Variants in MARK4 observed in about 807,000 individuals in gnomAD.
MARK4 encodes the protein microtubule affinity regulating kinase 4.
In MARK4, 19 loss-of-function variants were observed where a neutral mutation model predicts 81.5. The ratio of observed to expected loss-of-function variants is 0.23; its 90% CI spans 0.16 to 0.34. The LOEUF (loss-of-function observed/expected upper bound fraction) is 0.34, where lower values mean the gene tolerates loss of function less well. Ranked by LOEUF, MARK4 falls within the 10% of genes least tolerant of loss-of-function variation. The pLI, the probability that MARK4 is intolerant of heterozygous loss-of-function variation, is 1.00. For synonymous variants in MARK4, 436 were observed against 439.0 expected, an observed-to-expected ratio of 0.99 and a Z score of 0.08; for missense variants, 772 against 1,058.8, an observed-to-expected ratio of 0.73 and a Z score of 3.76.
chr19:45,297,642 T>A, intron 14 of MARK4, 34 bp from the exon 15 acceptor site: 1 of 1,436,528 alleles, frequency 7.0e-7, no homozygotes. Flanking sequence ...CCTGCCTCAG[T>A]CCCCCACCCT....
chr19:45,294,486 G>T, intron 14 of MARK4, 34 bp downstream of exon 14: 1 of 1,578,978 alleles, frequency 6.3e-7, no homozygotes, highest in African/African-American at 1.4e-5. Flanking sequence ...TGAGGGGTGG[G>T]AAGTAGGGGG....
At chr19:45,274,834 C>T (rs1046710123) in intron 8 of MARK4, among the ~76,000 whole-genome samples, 2 of 152,186 alleles carry the variant, frequency 1.3e-5, no homozygotes, top group African/African-American at 4.8e-5. Flanking sequence ...CCACCAGGCA[C>T]CCCAGGCCTT....
Position 45,274,676 on chromosome 19 carries a change from C to A in MARK4, c.786+2968C>A, listed in dbSNP as rs117805114. The stretch of plus-strand genomic sequence containing the variant: ...ACAAACAAAACAGGCTCTGACACTC[C>A]GGCCATAGCTGAAGTCTGGGGTGGG... On this transcript the variant is annotated intron_variant, in intron 8 of 16. Coordinates refer to ENST00000262891, the MANE Select transcript of MARK4 (RefSeq NM_001199867.2). 9.2e-3 allele frequency among the ~76,000 whole-genome samples: 1,394 copies of A among 152,126 alleles called. 59 individuals carry two copies. The highest frequency in any genetic ancestry group is 0.075 in the Admixed American group (1,148 of 15,264).
rs1406887388 is a variant in MARK4 at position 45,302,253 on chromosome 19, G to T, written c.1923-121G>T. 4 of 1,555,620 alleles carry T rather than the reference G, an allele frequency of 2.6e-6. No individual in the cohort carries two copies. The highest frequency in any genetic ancestry group is 3.5e-6 in the Non-Finnish European group (4 of 1,150,822). On this transcript the variant is annotated intron_variant, in intron 16 of 16. Coordinates refer to ENST00000262891, the MANE Select transcript of MARK4 (RefSeq NM_001199867.2). The surrounding 1 kb of genome is among the most constrained non-coding windows in gnomAD (Gnocchi z 4.9). Reference sequence around the variant, plus strand: ...TGAAACTGTCGCTGGGGTAACAGGGGAAGATGTTTTTTGAGGGGATGGCTA... The same window carrying T: ...TGAAACTGTCGCTGGGGTAACAGGGTAAGATGTTTTTTGAGGGGATGGCTA...
intron 1 of MARK4, among the ~76,000 whole-genome samples, chr19:45,257,383 CTTTTTTTTTTTTT>C: frequency 1.6e-5 from 2 of 124,360 alleles, no homozygotes; most frequent in South Asian, 5.1e-4. Flanking sequence ...TTTTCTTTCT[CTTTTTTTTTTTTT>C]TTTTTGAGAT....
chr19:45,260,062 G>A (rs566352563), intron 2 of MARK4, among the ~76,000 whole-genome samples: 1 of 152,060 alleles, frequency 6.6e-6, no homozygotes, highest in South Asian at 2.1e-4. Context: ...ACTCCAGCCT[G>A]GGTGACAGAG....
At position 45,264,448 on chromosome 19, in the gene MARK4, C is replaced by G. The variant is rs545032792; in HGVS notation, c.356-236C>G. On this transcript the variant is annotated intron_variant, in intron 4 of 16. Transcript: ENST00000262891. ...CCTGGGAGGGTGAGCAGAGATCGCGCCATTGCACTCCAGCCTGGGCAACAA... is the reference window on the plus strand; with the variant it reads ...CCTGGGAGGGTGAGCAGAGATCGCGGCATTGCACTCCAGCCTGGGCAACAA... Among the ~76,000 whole-genome samples, 6 of 151,270 alleles carry G rather than the reference C, an allele frequency of 4.0e-5. No individual in the cohort carries two copies. The South Asian group carries it at 1.3e-3, about 32-fold the overall frequency.
intron 13 of MARK4, among the ~76,000 whole-genome samples, chr19:45,288,849 CAAAAAAAA>C (rs34269496): frequency 9.7e-6 from 1 of 103,016 alleles, no homozygotes; most frequent in Non-Finnish European, 1.9e-5. Flanking sequence ...GACTCTGTCT[CAAAAAAAA>C]AAAAAAAAAA....
Position 45,280,655 on chromosome 19 carries a change from C to T in MARK4, c.1197C>T (p.Ser399=), listed in dbSNP as rs767484126. Residue 399 remains serine, a synonymous_variant, in exon 12 of 17, where the codon TCC becomes TCT. Transcript: ENST00000262891. Reference sequence around the variant, plus strand: ...GCGACACCACCAACGGAACAAGTTCCAGCAAAGGCACCAGCCACAGCAAAG... The same window carrying T: ...GCGACACCACCAACGGAACAAGTTCTAGCAAAGGCACCAGCCACAGCAAAG... ...APSDTTNGTS[S]SKGTSHSKGQ... is the part of the protein sequence containing the mutation. The T allele has an allele frequency of 1.9e-6, 3 of 1,614,156 alleles. No individual in the cohort carries two copies. The highest frequency in any genetic ancestry group is 2.5e-6 in the Non-Finnish European group (3 of 1,180,012).
In MARK4 at chr19:45,297,832, G is replaced by A. The variant is rs750746729; in HGVS notation, c.1755G>A (p.Gly585=). ...GGCGGGCAGGGGGTGGGGGTGGTGG[G>A]GGTGTGCAGAATGGGCCCCCTGCCT... ...RDRRAGGGGG[G]GVQNGPPASP... is the part of the protein sequence containing the mutation. The change falls in exon 15 of 17, where the codon GGG becomes GGA. Residue 585 remains glycine, a synonymous_variant. Coordinates refer to ENST00000262891, the MANE Select transcript of MARK4 (RefSeq NM_001199867.2). The A allele has an allele frequency of 6.5e-7, 1 of 1,545,494 alleles. No homozygotes were observed. Among genetic ancestry groups the A allele is most frequent in the African/African-American group, 1.4e-5 (1 of 73,218 alleles).
Position 45,294,400 on chromosome 19 carries a change from G to C in MARK4, c.1546G>C (p.Glu516Gln), listed in dbSNP as rs1970858637. Residue 516 changes from glutamate (E) to glutamine (Q), a missense_variant, in exon 14 of 17, where the codon GAA (glutamate) becomes CAA (glutamine). By Grantham distance (29) the Glu-to-Gln change is conservative. Coordinates refer to ENST00000262891, the MANE Select transcript of MARK4 (RefSeq NM_001199867.2). ...CCGCAGAAACACCTACGTTTGCACA[G>C]AACGCCCGGGGGCTGAGCGCCCGTC... ...MTRRNTYVCT[E>Q]RPGAERPSLL... The C allele has an allele frequency of 6.2e-7, 1 of 1,614,004 alleles. No individual in the cohort carries two copies. Among genetic ancestry groups the C allele is most frequent in the Non-Finnish European group, 8.5e-7 (1 of 1,180,026 alleles).
At chr19:45,296,051 A>G (rs552827198) in intron 14 of MARK4, among the ~76,000 whole-genome samples, 1 of 152,180 alleles carries the variant, frequency 6.6e-6, no homozygotes, top group Admixed American at 6.6e-5. Flanking sequence ...AGCTGAGGAC[A>G]TAAGGCACAG....
chr19:45,288,869 T>G (rs1281999576), intron 13 of MARK4, among the ~76,000 whole-genome samples: 2 of 92,578 alleles, frequency 2.2e-5, no homozygotes, highest in African/African-American at 4.6e-5. Context: ...AAAAAAAAAG[T>G]CGTGGGAAGC....
intron 1 of MARK4, among the ~76,000 whole-genome samples, chr19:45,252,432 G>A (rs981440861): frequency 7.2e-5 from 11 of 151,886 alleles, no homozygotes; most frequent in African/African-American, 2.7e-4. Context: ...GGACCAGTCT[G>A]ACTCCAGGCC....
At chr19:45,263,584 A>G (rs1359410385) in intron 4 of MARK4, among the ~76,000 whole-genome samples, 3 of 152,026 alleles carry the variant, frequency 2.0e-5, no homozygotes, top group Non-Finnish European at 2.9e-5. Flanking sequence ...TCTACTGAAA[A>G]TACAAAAATT....
intron 8 of MARK4, among the ~76,000 whole-genome samples, chr19:45,275,382 T>C (rs1321973627): frequency 6.6e-6 from 1 of 152,040 alleles, no homozygotes; most frequent in African/African-American, 2.4e-5. Flanking sequence ...CTACTTGGGA[T>C]GCTGAGGTGG....
At chr19:45,291,014 A>T (rs1970813538) in intron 13 of MARK4, among the ~76,000 whole-genome samples, 1 of 152,166 alleles carries the variant, frequency 6.6e-6, no homozygotes, top group Non-Finnish European at 1.5e-5. Context: ...GTGGCACAGG[A>T]GGGAGGCCGG....
At chr19:45,263,760 AAAAGTT>A (rs1191555211) in intron 4 of MARK4, among the ~76,000 whole-genome samples, 1 of 151,930 alleles carries the variant, frequency 6.6e-6, no homozygotes, top group African/African-American at 2.4e-5. Flanking sequence ...AAAAAAAAGA[AAAAGTT>A]AGAGACCTGG....
chr19:45,290,648 C>T (rs774826076), intron 13 of MARK4, among the ~76,000 whole-genome samples: 4 of 152,192 alleles, frequency 2.6e-5, no homozygotes, highest in Non-Finnish European at 4.4e-5. Context: ...TTTAACTGTC[C>T]CTGACTGTTG....
Sources: gnomAD v4.1 joint callset for allele counts (sites outside exome capture counted in the v4.1 genomes callset) on GRCh38, gnomAD v4.1.1 for gene constraint, Gnocchi (gnomAD v3.1) non-coding constraint, MANE v1.5 for transcripts, NCBI Gene and HGNC (gene_info 2026-07-23, HGNC 2026-07-21) for gene names.